RIT2: variants seen among roughly 807,000 people sequenced by gnomAD.
RIT2 encodes Ras like without CAAX 2.
RIT2 carries 24 observed loss-of-function variants against 23.7 expected under a neutral mutation model. The observed-to-expected ratio is 1.01, with a 90% CI of 0.73 to 1.43. RIT2 has a LOEUF of 1.43. RIT2 is among the 40% of genes most tolerant of loss of function. The probability of loss-of-function intolerance (pLI) is 0.00; values close to 1 mark genes in which losing one functional copy is unlikely to be tolerated. For missense variants in RIT2, 236 were observed against 266.9 expected (o/e 0.88, Z 0.81); for synonymous variants, 107 against 91.1 (o/e 1.17, Z -0.99).
intron 4 of RIT2, among the ~76,000 whole-genome samples, chr18:42,830,576 T>C (rs1451656017): frequency 1.3e-5 from 2 of 152,148 alleles, no homozygotes; most frequent in African/African-American, 4.8e-5. Context: ...TTTGGATCCG[T>C]AACGTGTATA....
rs1213491100 is a variant in RIT2, at chr18:42,923,732, A to T, written c.266T>A (p.Met89Lys). 2.5e-6 allele frequency: 4 copies of T among 1,612,288 alleles called. No individual in the cohort carries two copies. Among genetic ancestry groups the T allele is most frequent in the Non-Finnish European group, 3.4e-6 (4 of 1,179,430 alleles). ...GATGATGAAGCCTTCCCCACCTCGC[A>T]TGTACTGCTCCCGCATGGCTGTGAA... ...AEFTAMREQY[M>K]RGGEGFIICY... The change falls in exon 4 of 5, where the codon ATG (methionine) becomes AAG (lysine). Residue 89 changes from methionine to lysine, a missense_variant. Transcript: ENST00000326695.
At chr18:43,002,880 C>A (rs1484266666) in intron 2 of RIT2, among the ~76,000 whole-genome samples, 7 of 151,806 alleles carry the variant, frequency 4.6e-5, no homozygotes, top group African/African-American at 1.2e-4. Context: ...CAGGATTATC[C>A]AGGTGTGACC....
intron 4 of RIT2, among the ~76,000 whole-genome samples, chr18:42,760,322 C>T (rs1186212518): frequency 1.3e-5 from 2 of 152,188 alleles, no homozygotes; most frequent in East Asian, 3.9e-4. Context: ...GCTGGACACA[C>T]AGCATGCTGG....
intron 4 of RIT2, among the ~76,000 whole-genome samples, chr18:42,907,307 G>A (rs1908649181): frequency 1.3e-5 from 2 of 152,102 alleles, no homozygotes; most frequent in African/African-American, 4.8e-5. Flanking sequence ...GGCATAATAT[G>A]GCGATTGTTT....
At chr18:42,938,321 T>C (rs776402189) in intron 3 of RIT2, among the ~76,000 whole-genome samples, 7 of 152,172 alleles carry the variant, frequency 4.6e-5, no homozygotes, top group Non-Finnish European at 4.4e-5. Context: ...ATATCTGCAA[T>C]GAGACCGAAC....
rs1159949461 is a variant in RIT2 at position 42,743,243 on chromosome 18, T to G, written c.*250A>C. 1 of 459,836 alleles carries G rather than the reference T, an allele frequency of 2.2e-6. No homozygotes were observed. The highest frequency in any genetic ancestry group is 3.9e-6 in the Non-Finnish European group (1 of 257,772). 28.5% of individuals were successfully genotyped at this position (459,836 alleles called of 1,614,324 possible). A position where few individuals can be genotyped will look rare whatever the true frequency, so the allele number is the denominator to read the frequency against. On this transcript the variant is annotated 3_prime_UTR_variant, in exon 5 of 5. Coordinates refer to ENST00000326695, the MANE Select transcript of RIT2 (RefSeq NM_002930.4). Reference sequence around the variant, plus strand: ...AAAGGGAAATGAGGCAATTGGAATGTCAATTTTATTTAGTACTATGTTGTA... The same window carrying G: ...AAAGGGAAATGAGGCAATTGGAATGGCAATTTTATTTAGTACTATGTTGTA...
At chr18:42,818,586 A>C (rs1906061317) in intron 4 of RIT2, among the ~76,000 whole-genome samples, 1 of 152,058 alleles carries the variant, frequency 6.6e-6, no homozygotes, top group Admixed American at 6.6e-5. Context: ...AAGTTGCTAT[A>C]AGCATTAATG....
At chr18:42,924,456 ACTT>A (rs1909132849) in intron 3 of RIT2, among the ~76,000 whole-genome samples, 1 of 149,572 alleles carries the variant, frequency 6.7e-6, no homozygotes, top group Admixed American at 6.7e-5. Context: ...TTCAACTACA[ACTT>A]CTCGGTGACT....
Position 42,900,508 on chromosome 18 carries a change from C to T in RIT2, c.426+23064G>A, listed in dbSNP as rs369124136. Among the ~76,000 whole-genome samples the T allele has an allele frequency of 1.7e-4, 26 of 152,064 alleles. No individual in the cohort carries two copies. The East Asian group carries it at 4.4e-3, about 26-fold the overall frequency. ...TATGCCTTTTTAAAAAAGAGAGAAG[C>T]TAAAGAGCTCACAAGAAAATACCTT... is the stretch of plus-strand genomic sequence containing the variant. On this transcript the variant is annotated intron_variant, in intron 4 of 4. Transcript: ENST00000326695.
intron 4 of RIT2, among the ~76,000 whole-genome samples, chr18:42,766,966 G>A (rs557425812): frequency 1.1e-4 from 17 of 152,298 alleles, no homozygotes; most frequent in East Asian, 3.9e-4. Context: ...GGGAGCCTCC[G>A]CCTAGATTTC....
intron 4 of RIT2, among the ~76,000 whole-genome samples, chr18:42,838,080 T>G (rs892303732): frequency 6.6e-6 from 1 of 152,202 alleles, no homozygotes; most frequent in Non-Finnish European, 1.5e-5. Flanking sequence ...CAGATCCCAC[T>G]ACAAAATCGG....
chr18:43,033,742 T>C lies in RIT2; in HGVS notation c.160+69A>G. 2.9e-6 allele frequency: 3 copies of C among 1,026,072 alleles called. No individual in the cohort carries two copies. In the South Asian group the frequency reaches 4.0e-5, roughly 14 times the overall value. The allele number at this position is 1,026,072 out of a possible 1,614,324, so 63.6% of individuals were successfully genotyped here. A position where few individuals can be genotyped will look rare whatever the true frequency, so the allele number is the denominator to read the frequency against. ...TATATTTATTTTCCATCAACATTGC[T>C]ATTATTTTCAAGCCACTTAGTCACA... On this transcript the variant is annotated intron_variant, in intron 2 of 4. Coordinates refer to ENST00000326695, the MANE Select transcript of RIT2 (RefSeq NM_002930.4).
intron 4 of RIT2, among the ~76,000 whole-genome samples, chr18:42,841,814 G>C (rs972471331): frequency 6.6e-5 from 10 of 152,146 alleles, no homozygotes; most frequent in Middle Eastern, 3.4e-3. Flanking sequence ...TATTAATCCA[G>C]CCCAAAATTG....
At chr18:42,865,431 A>G (rs1432089951) in intron 4 of RIT2, among the ~76,000 whole-genome samples, 1 of 152,210 alleles carries the variant, frequency 6.6e-6, no homozygotes, top group African/African-American at 2.4e-5. Flanking sequence ...ATGGCATCTC[A>G]AGTAAATAGG....
At chr18:42,877,951 T>G (rs1265780709) in intron 4 of RIT2, among the ~76,000 whole-genome samples, 1 of 151,930 alleles carries the variant, frequency 6.6e-6, no homozygotes, top group Non-Finnish European at 1.5e-5. Flanking sequence ...ATTCTGTGTT[T>G]AGACTTCGGT....
intron 4 of RIT2, among the ~76,000 whole-genome samples, chr18:42,877,826 C>A (rs1486209917): frequency 6.6e-6 from 1 of 151,530 alleles, no homozygotes; most frequent in Non-Finnish European, 1.5e-5. Flanking sequence ...ATGAAACTAA[C>A]TTCAGATTAT....
At chr18:42,844,380 G>C (rs73470098) in intron 4 of RIT2, among the ~76,000 whole-genome samples, 2 of 152,166 alleles carry the variant, frequency 1.3e-5, no homozygotes, top group Admixed American at 6.5e-5. Context: ...CTCTTGTCCA[G>C]CATCCAAGAA....
At position 42,943,060 on chromosome 18, in the gene RIT2, T is replaced by G. The variant is rs566518366; in HGVS notation, c.235-19297A>C. 1.9e-3 allele frequency among the ~76,000 whole-genome samples: 286 copies of G among 152,164 alleles called. 1 individual carries two copies. Among genetic ancestry groups the G allele is most frequent in the African/African-American group, 6.6e-3 (275 of 41,548 alleles). On this transcript the variant is annotated intron_variant, in intron 3 of 4. Transcript: ENST00000326695. Reference sequence around the variant, plus strand: ...CCAAAGAGTGAGCAGCAGCAAGATTTACAGTGAAGAGGGAAAGAACAAAGC... The same window carrying G: ...CCAAAGAGTGAGCAGCAGCAAGATTGACAGTGAAGAGGGAAAGAACAAAGC...
chr18:42,990,226 C>T (rs1910809996), intron 2 of RIT2, among the ~76,000 whole-genome samples: 1 of 151,900 alleles, frequency 6.6e-6, no homozygotes, highest in Admixed American at 6.6e-5. Context: ...ACCAATGGCC[C>T]CCCAGTTCAA....
Sources: gnomAD v4.1 joint callset for allele counts (sites outside exome capture counted in the v4.1 genomes callset) on GRCh38, gnomAD v4.1.1 for gene constraint, MANE v1.5 for transcripts, NCBI Gene and HGNC (gene_info 2026-07-23, HGNC 2026-07-21) for gene names.